The following BRINP2 variants were observed in gnomAD, a reference collection of about 807,000 sequenced individuals.
The protein encoded by BRINP2 is BMP/retinoic acid-inducible neural-specific protein 2.
Under a neutral mutation model 69.2 loss-of-function variants are expected in BRINP2, and 21 were observed. The ratio of observed to expected loss-of-function variants is 0.30; its 90% CI spans 0.22 to 0.44. The LOEUF is 0.44. BRINP2 is among the 20% of genes least tolerant of loss of function. BRINP2 has a pLI of 1.00. For synonymous variants in BRINP2, 380 were observed against 394.1 expected, an observed-to-expected ratio of 0.96 and a Z score of 0.42; for missense variants, 877 against 986.0, an observed-to-expected ratio of 0.89 and a Z score of 1.48.
intron 2 of BRINP2, among the ~76,000 whole-genome samples, chr1:177,236,858 C>T (rs2102330376): frequency 6.6e-6 from 1 of 151,116 alleles, no homozygotes; most frequent in Non-Finnish European, 1.5e-5. Context: ...TTATGCCATA[C>T]TTTGTCTCTC....
At chr1:177,196,275 A>G (rs1648740980) in intron 1 of BRINP2, among the ~76,000 whole-genome samples, 1 of 152,202 alleles carries the variant, frequency 6.6e-6, no homozygotes, top group Non-Finnish European at 1.5e-5. Context: ...CCCTAGTTCC[A>G]GAGATTCTGC....
In BRINP2 at chr1:177,281,463, C is replaced by T. The variant is rs149350434; in HGVS notation, c.2287C>T (p.Leu763=). 155 of 1,613,510 alleles carry T rather than the reference C, an allele frequency of 9.6e-5. No individual in the cohort carries two copies. The highest frequency in any genetic ancestry group is 1.1e-4 in the Non-Finnish European group (133 of 1,180,004). Residue 763 remains leucine (L), a synonymous_variant, in exon 8 of 8, where the codon CTG becomes TTG. Coordinates refer to ENST00000361539, the MANE Select transcript of BRINP2 (RefSeq NM_021165.4). ...NNEVGRIQSS[L]RAFNSKLPNP... ...TGAGGTGGGCAGGATCCAGTCCTCCCTGAGGGCTTTCAATTCTAAGCTGCC... is the reference window on the plus strand; with the variant it reads ...TGAGGTGGGCAGGATCCAGTCCTCCTTGAGGGCTTTCAATTCTAAGCTGCC...
Position 177,226,821 on chromosome 1 carries a change from G to A in BRINP2, c.-76-2980G>A, listed in dbSNP as rs375553967. ...TCTTGCTAGCTGTTGGCTAGCAATT[G>A]CTCTCAGATTCCAGAGCCCATCTAT... On this transcript the variant is annotated intron_variant, in intron 1 of 7. Transcript: ENST00000361539. Among the ~76,000 whole-genome samples, 332 of 152,200 alleles carry A rather than the reference G, an allele frequency of 2.2e-3. 10 individuals carry two copies. In the South Asian group the frequency reaches 0.065, roughly 30 times the overall value.
chr1:177,191,493 C>T (rs1304440937), intron 1 of BRINP2, among the ~76,000 whole-genome samples: 2 of 152,102 alleles, frequency 1.3e-5, no homozygotes, highest in African/African-American at 2.4e-5. Context: ...CTAGCTCTGT[C>T]ACCCAGGCTG....
At chr1:177,189,076 G>C (rs928577375) in intron 1 of BRINP2, among the ~76,000 whole-genome samples, 1 of 152,150 alleles carries the variant, frequency 6.6e-6, no homozygotes, top group Non-Finnish European at 1.5e-5. Flanking sequence ...AGAGACACAC[G>C]TAATGTCTTT....
chr1:177,229,698 C>A, intron 1 of BRINP2, 103 bp from the exon 2 acceptor site: 1 of 767,548 alleles, frequency 1.3e-6, no homozygotes, highest in Non-Finnish European at 2.0e-6. Flanking sequence ...ATGTTACTAG[C>A]ATAAAGGATT....
chr1:177,196,620 A>G (rs1471398191), intron 1 of BRINP2, among the ~76,000 whole-genome samples: 2 of 148,100 alleles, frequency 1.4e-5, no homozygotes, highest in African/African-American at 2.5e-5. Context: ...CTCCATCTCA[A>G]AAAAAAAAAA....
intron 1 of BRINP2, among the ~76,000 whole-genome samples, chr1:177,210,417 GAA>G (rs1237987527): frequency 6.6e-6 from 1 of 152,044 alleles, no homozygotes; most frequent in Non-Finnish European, 1.5e-5. Flanking sequence ...GCAACAAAAT[GAA>G]AAGAGTACAC....
chr1:177,252,647 A>G (rs1650619640), intron 2 of BRINP2, among the ~76,000 whole-genome samples: 1 of 152,102 alleles, frequency 6.6e-6, no homozygotes, highest in African/African-American at 2.4e-5. Flanking sequence ...CAGTTACCCT[A>G]CTATGTAATA....
intron 1 of BRINP2, among the ~76,000 whole-genome samples, chr1:177,202,079 G>C (rs1648930809): frequency 6.6e-6 from 1 of 152,076 alleles, no homozygotes. Flanking sequence ...GCATCTATTT[G>C]ATTCTTCTCT....
intron 4 of BRINP2, among the ~76,000 whole-genome samples, chr1:177,263,584 A>G (rs958286410): frequency 2.6e-5 from 4 of 152,196 alleles, no homozygotes; most frequent in Admixed American, 2.6e-4. Context: ...CGAAAGGCAA[A>G]GTGCACTCTT....
chr1:177,219,108 GCAAA>G (rs776634766), intron 1 of BRINP2, among the ~76,000 whole-genome samples: 1 of 152,206 alleles, frequency 6.6e-6, no homozygotes, highest in East Asian at 1.9e-4. Context: ...GTAGTCCCTT[GCAAA>G]CTGCCAGTGA....
At chr1:177,204,349 T>C (rs765889948) in intron 1 of BRINP2, among the ~76,000 whole-genome samples, 2 of 151,800 alleles carry the variant, frequency 1.3e-5, no homozygotes, top group Non-Finnish European at 2.9e-5. Flanking sequence ...TGTGAAGCCA[T>C]GGATGGAGGT....
chr1:177,189,272 G>A (rs1423868836), intron 1 of BRINP2, among the ~76,000 whole-genome samples: 1 of 152,062 alleles, frequency 6.6e-6, no homozygotes, highest in East Asian at 1.9e-4. Context: ...TTCTTATGAT[G>A]CAGTCTATAA....
intron 4 of BRINP2, among the ~76,000 whole-genome samples, chr1:177,271,634 C>T (rs1651331989): frequency 1.3e-5 from 2 of 152,180 alleles, no homozygotes; most frequent in African/African-American, 4.8e-5. Flanking sequence ...GTGGGATGCT[C>T]TTGGAGGAAG....
chr1:177,181,803 G>C (rs953621754), intron 1 of BRINP2, among the ~76,000 whole-genome samples: 1 of 152,188 alleles, frequency 6.6e-6, no homozygotes, highest in East Asian at 1.9e-4. Context: ...TGAGCCGCGA[G>C]GGACCGCGGA....
At chr1:177,279,953 A>G (rs1336493361) in intron 7 of BRINP2, among the ~76,000 whole-genome samples, 6 of 152,224 alleles carry the variant, frequency 3.9e-5, no homozygotes, top group Admixed American at 1.3e-4. Flanking sequence ...AGAATCAGCC[A>G]TATAAAATTT....
chr1:177,183,802 A>G (rs973621935), intron 1 of BRINP2, among the ~76,000 whole-genome samples: 1 of 152,178 alleles, frequency 6.6e-6, no homozygotes, highest in Admixed American at 6.5e-5. Flanking sequence ...TGAACTTCAA[A>G]TACTGTTTAT....
chr1:177,249,674 T>C (rs946485795), intron 2 of BRINP2, among the ~76,000 whole-genome samples: 2 of 152,184 alleles, frequency 1.3e-5, no homozygotes, highest in Non-Finnish European at 2.9e-5. Flanking sequence ...CATCCTTTTC[T>C]TAGTTTAAAA....
Sources: allele counts gnomAD v4.1 joint callset (sites outside exome capture counted in the v4.1 genomes callset), GRCh38; gene constraint gnomAD v4.1.1; transcripts MANE v1.5; gene names NCBI Gene and HGNC (gene_info 2026-07-23, HGNC 2026-07-21).